C10orf90: variants seen among roughly 807,000 people sequenced by gnomAD.
The protein encoded by C10orf90 is (E2-independent) E3 ubiquitin-conjugating enzyme FATS.
C10orf90 carries 56 observed loss-of-function variants against 62.5 expected under a neutral mutation model. The observed-to-expected ratio is 0.90, with a 90% confidence interval of 0.72 to 1.12. The LOEUF (loss-of-function observed/expected upper bound fraction) is 1.12, where lower values mean the gene tolerates loss of function less well. C10orf90 is among the 50% of genes most tolerant of loss of function. The pLI, the probability that C10orf90 is intolerant of heterozygous loss-of-function variation, is 0.00. For synonymous variants in C10orf90, 386 were observed against 340.4 expected (o/e 1.13, Z -1.47); for missense variants, 970 against 880.4 (o/e 1.10, Z -1.29).
At chr10:126,548,491 C>A (rs995334465) in intron 2 of C10orf90, among the ~76,000 whole-genome samples, 7 of 152,096 alleles carry the variant, frequency 4.6e-5, no homozygotes, top group African/African-American at 1.7e-4. Context: ...CTCTGCCTCC[C>A]CAGTAGCTGG....
chr10:126,505,503 C>T (rs769053180), intron 3 of C10orf90, among the ~76,000 whole-genome samples: 2 of 152,164 alleles, frequency 1.3e-5, no homozygotes, highest in African/African-American at 4.8e-5. Flanking sequence ...GGAGATTAGT[C>T]AGTAGTCCTG....
Position 126,461,436 on chromosome 10 carries a change from A to G in C10orf90, c.1975T>C (p.Ser659Pro). 2 of 1,614,078 alleles carry G rather than the reference A, an allele frequency of 1.2e-6. No individual in the cohort carries two copies. The highest frequency in any genetic ancestry group is 1.6e-4 in the Middle Eastern group (1 of 6,062). ...SPGLSEDCSE[S>P]QQTPARSLTL... ...AAAGATCTTGCAGGCGTTTGCTGAG[A>G]CTCAGAACAGTCTTCGGACAGGCCA... Residue 659 changes from serine to proline, a missense_variant, in exon 6 of 10, where the codon TCT becomes CCT. Ser to Pro is a moderately conservative substitution (Grantham distance 74). Coordinates refer to ENST00000488181, the MANE Select transcript of C10orf90 (RefSeq NM_001350921.2).
rs768146241 is a variant in C10orf90 at position 126,504,816 on chromosome 10, T to C, written c.675A>G (p.Arg225=). ...PEAELPPKEE[R]PCGGPRRGFA... ...ACCCTCTGCGGGGGCCCCCACAGGG[T>C]CTCTCCTCTTTGGGCGGCAGCTCTG... is the stretch of plus-strand genomic sequence containing the variant. The change falls in exon 4 of 10, where the codon AGA becomes AGG. Residue 225 remains arginine, a synonymous_variant. Transcript: ENST00000488181. The surrounding 1 kb of genome is among the most constrained non-coding windows in gnomAD (Gnocchi z 4.1). 13 of 1,596,556 alleles carry C rather than the reference T, an allele frequency of 8.1e-6. No individual in the cohort carries two copies. The highest frequency in any genetic ancestry group is 2.3e-5 in the South Asian group (2 of 87,740).
At chr10:126,490,034 T>C (rs1289018757) in intron 4 of C10orf90, among the ~76,000 whole-genome samples, 1 of 112,992 alleles carries the variant, frequency 8.9e-6, no homozygotes, top group Non-Finnish European at 1.7e-5. Flanking sequence ...ATATAATATA[T>C]AATATATATT....
At chr10:126,426,590 G>A (rs941600206) in intron 8 of C10orf90, among the ~76,000 whole-genome samples, 10 of 152,190 alleles carry the variant, frequency 6.6e-5, no homozygotes, top group African/African-American at 2.2e-4. Context: ...AAGTGTGTGT[G>A]TTTTTACCTC....
chr10:126,611,391 G>A (rs146855891), intron 2 of C10orf90, among the ~76,000 whole-genome samples: 16 of 152,238 alleles, frequency 1.1e-4, no homozygotes, highest in Admixed American at 2.6e-4. Context: ...TTATTGATCC[G>A]TTTATCAGTT....
chr10:126,553,483 C>T (rs901950826), intron 2 of C10orf90, among the ~76,000 whole-genome samples: 3 of 152,128 alleles, frequency 2.0e-5, no homozygotes, highest in Non-Finnish European at 4.4e-5. Flanking sequence ...TGATGATGGT[C>T]TCATAAGATC....
chr10:126,508,695 C>T (rs1476638873), intron 3 of C10orf90, among the ~76,000 whole-genome samples: 3 of 152,208 alleles, frequency 2.0e-5, no homozygotes, highest in African/African-American at 7.2e-5. Flanking sequence ...CCGGGACTCC[C>T]ATACTGGCTA....
intron 2 of C10orf90, among the ~76,000 whole-genome samples, chr10:126,516,996 A>G (rs1863471181): frequency 6.6e-6 from 1 of 151,766 alleles, no homozygotes. Context: ...TGGAAAATGC[A>G]GGCTACATTC....
chr10:126,646,330 A>C (rs2133851524), intron 2 of C10orf90, among the ~76,000 whole-genome samples: 1 of 152,344 alleles, frequency 6.6e-6, no homozygotes, highest in Admixed American at 6.5e-5. Context: ...CAGGTCCCAA[A>C]GGCACCCCTG....
At chr10:126,435,079 C>T (rs1330228517) in intron 7 of C10orf90, among the ~76,000 whole-genome samples, 1 of 152,208 alleles carries the variant, frequency 6.6e-6, no homozygotes, top group Non-Finnish European at 1.5e-5. Context: ...TGGAATCCCA[C>T]TGCTGAATGA....
chr10:126,628,510 C>T (rs752073549), intron 2 of C10orf90, among the ~76,000 whole-genome samples: 8 of 152,122 alleles, frequency 5.3e-5, no homozygotes. Context: ...CCAGGACTCA[C>T]CATCAGCCCT....
intron 1 of C10orf90, among the ~76,000 whole-genome samples, chr10:126,656,602 A>G (rs1275944874): frequency 6.6e-6 from 1 of 152,230 alleles, no homozygotes; most frequent in Non-Finnish European, 1.5e-5. Flanking sequence ...ACAATACTAC[A>G]TACTTCAGGA....
At chr10:126,645,170 G>A (rs1167398856) in intron 2 of C10orf90, among the ~76,000 whole-genome samples, 1 of 150,324 alleles carries the variant, frequency 6.7e-6, no homozygotes, top group African/African-American at 2.5e-5. Flanking sequence ...TAGATGACGA[G>A]TTAGTGGGTG....
intron 2 of C10orf90, among the ~76,000 whole-genome samples, chr10:126,585,033 G>C (rs527513317): frequency 4.6e-5 from 7 of 152,036 alleles, no homozygotes; most frequent in South Asian, 2.1e-4. Context: ...ATCAGATTTC[G>C]ATCTGGGAGA....
intron 2 of C10orf90, among the ~76,000 whole-genome samples, chr10:126,525,082 G>A (rs574550671): frequency 6.6e-6 from 1 of 152,290 alleles, no homozygotes; most frequent in African/African-American, 2.4e-5. Context: ...TTCCCCCTAA[G>A]GGAGATCCAT....
intron 2 of C10orf90, among the ~76,000 whole-genome samples, chr10:126,557,918 T>C (rs1482533316): frequency 1.3e-5 from 2 of 151,914 alleles, no homozygotes; most frequent in African/African-American, 2.4e-5. Context: ...TCCTAAGTTT[T>C]TGCTCTTGGG....
intron 2 of C10orf90, among the ~76,000 whole-genome samples, chr10:126,542,345 A>C (rs1428710736): frequency 6.6e-6 from 1 of 152,014 alleles, no homozygotes; most frequent in Non-Finnish European, 1.5e-5. Flanking sequence ...TCTACTAAAA[A>C]TACAAAAATT....
chr10:126,543,642 C>A (rs1287540886), intron 2 of C10orf90, among the ~76,000 whole-genome samples: 2 of 152,188 alleles, frequency 1.3e-5, no homozygotes, highest in Non-Finnish European at 2.9e-5. Flanking sequence ...AGACAAACAG[C>A]TAATATGCTT....
Sources: gnomAD v4.1 joint callset for allele counts (sites outside exome capture counted in the v4.1 genomes callset) on GRCh38, gnomAD v4.1.1 for gene constraint, Gnocchi (gnomAD v3.1) non-coding constraint, MANE v1.5 for transcripts, NCBI Gene and HGNC (gene_info 2026-07-23, HGNC 2026-07-21) for gene names.